Variants in FSTL5 observed in about 807,000 individuals in gnomAD.
FSTL5 encodes follistatin like 5.
A neutral mutation model predicts 89.1 loss-of-function variants in FSTL5; 62 were observed. That is an observed-to-expected ratio of 0.70 (90% CI 0.57 to 0.86). The LOEUF is 0.86. Ranked by LOEUF, FSTL5 falls within the 40% of genes least tolerant of loss-of-function variation. The pLI is 0.00. For missense variants in FSTL5, 1,057 were observed against 1,001.6 expected (o/e 1.06, Z -0.75); for synonymous variants, 383 against 346.2 (o/e 1.11, Z -1.18).
chr4:161,924,560 G>A (rs7674142), intron 3 of FSTL5, among the ~76,000 whole-genome samples: 93,732 of 151,328 alleles, frequency 0.62, 29,146 homozygotes, highest in Middle Eastern at 0.71. Context: ...TACAAAGAGC[G>A]TAAGATAGGA....
chr4:161,659,136 A>C (rs768967466), intron 6 of FSTL5, among the ~76,000 whole-genome samples: 3 of 152,186 alleles, frequency 2.0e-5, no homozygotes, highest in Non-Finnish European at 4.4e-5. Context: ...AAGAATTACT[A>C]TTCACTAGGA....
intron 15 of FSTL5, among the ~76,000 whole-genome samples, chr4:161,435,456 T>C (rs1337456080): frequency 6.7e-6 from 1 of 148,244 alleles, no homozygotes; most frequent in African/African-American, 2.5e-5. Flanking sequence ...GAGGGAGAAG[T>C]GGGGATGGTT....
chr4:161,863,410 T>C (rs756047705), intron 4 of FSTL5, among the ~76,000 whole-genome samples: 8 of 152,238 alleles, frequency 5.3e-5, no homozygotes, highest in Non-Finnish European at 1.2e-4. Flanking sequence ...ATTCGGGTCA[T>C]GGGGAAAGTC....
chr4:161,747,894 T>C (rs922165172), intron 6 of FSTL5, among the ~76,000 whole-genome samples: 1 of 152,190 alleles, frequency 6.6e-6, no homozygotes, highest in Admixed American at 6.5e-5. Flanking sequence ...AAATATATAT[T>C]GGAAATTTAA....
At chr4:161,603,485 C>T (rs541488028) in intron 7 of FSTL5, among the ~76,000 whole-genome samples, 9 of 152,154 alleles carry the variant, frequency 5.9e-5, no homozygotes, top group African/African-American at 2.2e-4. Context: ...TGGCTTTCTG[C>T]CATCCAGGAA....
intron 6 of FSTL5, among the ~76,000 whole-genome samples, chr4:161,700,006 G>T (rs1373306761): frequency 1.3e-5 from 2 of 152,130 alleles, no homozygotes; most frequent in Non-Finnish European, 2.9e-5. Flanking sequence ...GTCTCTAACA[G>T]CAGAGTCATT....
At chr4:161,836,844 C>A (rs77364815) in intron 4 of FSTL5, among the ~76,000 whole-genome samples, 11,809 of 151,790 alleles carry the variant, frequency 0.078, 529 homozygotes, top group African/African-American at 0.12. Flanking sequence ...TAATTTTTTT[C>A]AAAATCTGGA....
intron 3 of FSTL5, among the ~76,000 whole-genome samples, chr4:162,026,488 A>G (rs919806564): frequency 6.6e-6 from 1 of 151,364 alleles, no homozygotes; most frequent in Non-Finnish European, 1.5e-5. Flanking sequence ...TTGTATTTTT[A>G]GTAGAGACGG....
rs1419795368 is a variant in FSTL5 at position 162,161,577 on chromosome 4, T to G, written c.-17+2038A>C. 2.6e-5 allele frequency among the ~76,000 whole-genome samples: 4 copies of G among 151,970 alleles called. No homozygotes were observed. In the East Asian group the frequency reaches 7.7e-4, roughly 29 times the overall value. ...AATATGTTATTGTTAGATGAAACAT[T>G]AAATTTCATCTTAAAGAATTCCAGA... On this transcript the variant is annotated intron_variant, in intron 1 of 15. Coordinates refer to ENST00000306100, the MANE Select transcript of FSTL5 (RefSeq NM_020116.5).
intron 3 of FSTL5, among the ~76,000 whole-genome samples, chr4:161,935,027 T>G (rs1293623731): frequency 5.3e-5 from 8 of 152,176 alleles, no homozygotes. Flanking sequence ...TAATGTAACT[T>G]TAACAAAATA....
intron 15 of FSTL5, among the ~76,000 whole-genome samples, chr4:161,435,464 G>C (rs1054900725): frequency 4.8e-5 from 7 of 146,292 alleles, no homozygotes; most frequent in African/African-American, 1.5e-4. Context: ...AGTGGGGATG[G>C]TTAGTGGATA....
At chr4:161,901,348 G>A (rs2110794340) in intron 4 of FSTL5, among the ~76,000 whole-genome samples, 1 of 152,306 alleles carries the variant, frequency 6.6e-6, no homozygotes, top group East Asian at 1.9e-4. Context: ...AGCACACAGG[G>A]CCTCAGGTAG....
intron 3 of FSTL5, among the ~76,000 whole-genome samples, chr4:162,031,359 C>T (rs906936812): frequency 6.6e-6 from 1 of 152,100 alleles, no homozygotes; most frequent in African/African-American, 2.4e-5. Context: ...CAAATGAGGA[C>T]ATAGCTCACA....
intron 2 of FSTL5, among the ~76,000 whole-genome samples, chr4:162,097,410 CAA>C (rs1396184862): frequency 3.3e-5 from 5 of 151,540 alleles, no homozygotes; most frequent in Non-Finnish European, 5.9e-5. Context: ...TAACTTGTAG[CAA>C]GTTATAACTT....
At chr4:161,412,091 A>G (rs1430509246) in intron 15 of FSTL5, among the ~76,000 whole-genome samples, 3 of 152,150 alleles carry the variant, frequency 2.0e-5, no homozygotes, top group Admixed American at 1.3e-4. Context: ...TTCACTTACA[A>G]TAGCCAAAAA....
At chr4:161,505,026 T>C (rs985037453) in intron 11 of FSTL5, among the ~76,000 whole-genome samples, 1 of 152,088 alleles carries the variant, frequency 6.6e-6, no homozygotes, top group African/African-American at 2.4e-5. Flanking sequence ...GTGTATGATG[T>C]AGTGATTTGG....
chr4:161,976,349 C>T (rs1032017273), intron 3 of FSTL5, among the ~76,000 whole-genome samples: 3 of 152,018 alleles, frequency 2.0e-5, no homozygotes, highest in Non-Finnish European at 2.9e-5. Context: ...GATATGCATA[C>T]GGGCTGGTAA....
chr4:161,623,795 T>C (rs1735221286), intron 7 of FSTL5, among the ~76,000 whole-genome samples: 1 of 151,996 alleles, frequency 6.6e-6, no homozygotes, highest in African/African-American at 2.4e-5. Flanking sequence ...TTAAGTAGCA[T>C]CCATACTTCA....
At chr4:162,138,847 C>T (rs1347653574) in intron 1 of FSTL5, among the ~76,000 whole-genome samples, 3 of 151,780 alleles carry the variant, frequency 2.0e-5, no homozygotes, top group African/African-American at 7.3e-5. Context: ...CATCAGAAAA[C>T]GTATTTGATG....
Sources: allele counts gnomAD v4.1 joint callset (sites outside exome capture counted in the v4.1 genomes callset), GRCh38; gene constraint gnomAD v4.1.1; transcripts MANE v1.5; gene names NCBI Gene and HGNC (gene_info 2026-07-23, HGNC 2026-07-21).